EZR: variants seen among roughly 807,000 people sequenced by gnomAD.
EZR encodes ezrin.
Under a neutral mutation model 74.8 loss-of-function variants are expected in EZR, and 40 were observed. The observed-to-expected ratio is 0.53, with a 90% CI of 0.42 to 0.70. The LOEUF is 0.70. EZR is among the 30% of genes least tolerant of loss of function. EZR has a pLI of 0.00. For missense variants in EZR, 678 were observed against 755.8 expected, an observed-to-expected ratio of 0.90 and a Z score of 1.21; for synonymous variants, 341 against 283.3, an observed-to-expected ratio of 1.20 and a Z score of -2.05.
At chr6:158,779,241 A>C (rs1252170251) in intron 7 of EZR, among the ~76,000 whole-genome samples, 1 of 152,212 alleles carries the variant, frequency 6.6e-6, no homozygotes, top group Admixed American at 6.5e-5. Flanking sequence ...ATCCAAGCTG[A>C]AGGGCTTTCC....
In EZR at chr6:158,817,988, G is replaced by GT. The variant is rs572518643; in HGVS notation, c.12+93dup. On this transcript the variant is annotated intron_variant, in intron 2 of 13. Transcript: ENST00000367075. ...GTCTTCTGCGTGTGAGAAGAACCCT[G>GT]TTCCCCAGGAACTGCCCCAACACCT... 147 of 1,287,056 alleles carry GT rather than the reference G, an allele frequency of 1.1e-4. No homozygotes were observed. The African/African-American group carries it at 2.0e-3, about 17-fold the overall frequency. 79.7% of individuals were successfully genotyped at this position (1,287,056 alleles called of 1,614,324 possible).
chr6:158,769,009 G>T (rs1186263410), intron 12 of EZR, among the ~76,000 whole-genome samples: 1 of 152,186 alleles, frequency 6.6e-6, no homozygotes, highest in Non-Finnish European at 1.5e-5. Context: ...CCTGACCGGG[G>T]GCTGTCAGAT....
chr6:158,795,148 A>T (rs917076220), intron 2 of EZR, among the ~76,000 whole-genome samples: 2 of 152,182 alleles, frequency 1.3e-5, no homozygotes, highest in African/African-American at 4.8e-5. Context: ...GCTACTCAGG[A>T]GGCTGAGGAG....
intron 7 of EZR, among the ~76,000 whole-genome samples, chr6:158,779,403 C>T (rs1295453290): frequency 6.6e-6 from 1 of 152,076 alleles, no homozygotes; most frequent in Admixed American, 6.6e-5. Flanking sequence ...AGTGAGACAA[C>T]TGATTAAAAT....
intron 11 of EZR, 151 bp downstream of exon 11, chr6:158,769,633 C>T (rs1562489506): frequency 8.0e-7 from 1 of 1,253,996 alleles, no homozygotes; most frequent in Non-Finnish European, 1.1e-6. Flanking sequence ...GGCAACAGCC[C>T]AGCCCCTTCC....
In EZR at chr6:158,771,224, C is replaced by A; in HGVS notation, c.959+20G>T. Reference sequence around the variant, plus strand: ...GTTGGGAGAACACAGGCCCCCCCCACTCTGGCCTCACGCGCTCACCGCTCC... The same window carrying A: ...GTTGGGAGAACACAGGCCCCCCCCAATCTGGCCTCACGCGCTCACCGCTCC... On this transcript the variant is annotated intron_variant, in intron 9 of 13. Coordinates refer to ENST00000367075, the MANE Select transcript of EZR (RefSeq NM_001111077.2). The A allele has an allele frequency of 1.3e-6, 2 of 1,594,650 alleles. No individual in the cohort carries two copies. Among genetic ancestry groups the A allele is most frequent in the Non-Finnish European group, 1.7e-6 (2 of 1,170,718 alleles).
chr6:158,771,527 G>T, intron 8 of EZR, 120 bp from the exon 9 acceptor site: 1 of 1,085,558 alleles, frequency 9.2e-7, no homozygotes, highest in South Asian at 1.7e-5. Context: ...AACAGGGATG[G>T]CAGCATCTCG....
At chr6:158,776,601 AAAT>A in intron 7 of EZR, 97 bp from the exon 8 acceptor site, 1 of 826,208 alleles carries the variant, frequency 1.2e-6, no homozygotes, top group East Asian at 2.6e-5. Flanking sequence ...AGTTCAATTA[AAAT>A]AATATGAAGC....
intron 7 of EZR, 53 bp from the exon 8 acceptor site, chr6:158,776,557 T>C (rs1046526459): frequency 3.8e-6 from 5 of 1,319,470 alleles, no homozygotes; most frequent in Middle Eastern, 3.8e-4. Flanking sequence ...TGTTCTTGGA[T>C]TGGCTAAGAG....
chr6:158,767,489 C>G lies in EZR; in HGVS notation c.1368G>C (p.Leu456=). ...GGTGCAGCTCCTCCTTGGTCTTCAC[C>G]AGGTCATCCTGGGCTTCTTTGGCCT... ...QHRAKEAQDD[L]VKTKEELHLV... Residue 456 remains leucine, a synonymous_variant, in exon 13 of 14, where the codon CTG becomes CTC. Transcript: ENST00000367075. 1.3e-6 allele frequency: 2 copies of G among 1,599,440 alleles called. No individual in the cohort carries two copies. The highest frequency in any genetic ancestry group is 1.7e-6 in the Non-Finnish European group (2 of 1,171,248).
In EZR at chr6:158,770,793, T is replaced by C. The variant is rs780721379; in HGVS notation, c.1061A>G (p.Tyr354Cys). 2.0e-5 allele frequency: 32 copies of C among 1,614,046 alleles called. No homozygotes were observed. The highest frequency in any genetic ancestry group is 2.6e-5 in the Non-Finnish European group (31 of 1,180,024). The change falls in exon 10 of 14, where the codon TAT (tyrosine) becomes TGT (cysteine). Residue 354 changes from tyrosine to cysteine, a missense_variant. Tyr to Cys is a radical substitution (Grantham distance 194, BLOSUM62 -2). Around this residue, in one of 3 missense-constraint regions of EZR, gnomAD observed 342 missense variants for 341.2 expected, o/e 1.00. Coordinates refer to ENST00000367075, the MANE Select transcript of EZR (RefSeq NM_001111077.2). ...KEELMLRLQD[Y>C]EEKTKKAERE... The stretch of plus-strand genomic sequence containing the variant: ...CTCTGCCTTCTTTGTCTTCTCCTCA[T>C]AGTCCTGCAGCCGCAGCATCAACTC...
intron 2 of EZR, among the ~76,000 whole-genome samples, chr6:158,791,706 A>AGTTTTTTTTT (rs1791751481): frequency 1.0e-5 from 1 of 96,262 alleles, no homozygotes; most frequent in African/African-American, 4.1e-5. Context: ...TTCAGACTCC[A>AGTTTTTTTTT]TTTTTTTTTT....
intron 11 of EZR, 129 bp from the exon 12 acceptor site, chr6:158,769,547 C>A (rs1791030607): frequency 3.8e-6 from 4 of 1,053,780 alleles, no homozygotes; most frequent in African/African-American, 1.6e-5. Context: ...ACCCCCACTC[C>A]ATGGCCAGCA....
intron 2 of EZR, among the ~76,000 whole-genome samples, chr6:158,812,676 CT>C (rs1777474306): frequency 6.6e-6 from 1 of 152,078 alleles, no homozygotes; most frequent in Non-Finnish European, 1.5e-5. Flanking sequence ...AAGGCAAGGA[CT>C]TTTTTCATCA....
chr6:158,774,161 G>A (rs1221406651), intron 8 of EZR, among the ~76,000 whole-genome samples: 3 of 152,152 alleles, frequency 2.0e-5, no homozygotes, highest in Admixed American at 6.5e-5. Flanking sequence ...AAGAAAGTTC[G>A]ATGTCGAAAA....
chr6:158,810,454 A>C (rs1007728246), intron 2 of EZR, among the ~76,000 whole-genome samples: 1 of 152,226 alleles, frequency 6.6e-6, no homozygotes, highest in Non-Finnish European at 1.5e-5. Context: ...AATTGCTTAC[A>C]TATCTGCTTT....
chr6:158,776,030 C>G (rs1791267744), intron 8 of EZR, among the ~76,000 whole-genome samples: 1 of 152,194 alleles, frequency 6.6e-6, no homozygotes, highest in African/African-American at 2.4e-5. Context: ...AGTTCCAGGA[C>G]AGCTCTGAAA....
At chr6:158,789,858 A>AAGCCTCCCATCTC (rs1026738851) in intron 2 of EZR, among the ~76,000 whole-genome samples, 3 of 152,232 alleles carry the variant, frequency 2.0e-5, no homozygotes, top group Non-Finnish European at 4.4e-5. Context: ...AGGCTCAAGC[A>AAGCCTCCCATCTC]AGCCTCCCAT....
Position 158,767,436 on chromosome 6 carries a change from G to T in EZR, c.1421C>A (p.Pro474Gln), listed in dbSNP as rs370231777. ...GCTCACCGGCTCGTACACGGGGGGT[G>T]GTGGGGGCGGGGGTGCTGTCATCAC... The part of the protein sequence containing the change: ...HLVMTAPPPP[P>Q]PPVYEPVSYH... The change falls in exon 13 of 14, where the codon CCA (proline) becomes CAA (glutamine). Residue 474 changes from proline (P) to glutamine (Q), a missense_variant. Pro to Gln is a moderately conservative substitution (Grantham distance 76). Coordinates refer to ENST00000367075, the MANE Select transcript of EZR (RefSeq NM_001111077.2). 1.9e-6 allele frequency: 3 copies of T among 1,613,248 alleles called. No individual in the cohort carries two copies. Among genetic ancestry groups the T allele is most frequent in the African/African-American group, 2.7e-5 (2 of 74,904 alleles).
Sources: gnomAD v4.1 joint callset for allele counts (sites outside exome capture counted in the v4.1 genomes callset) on GRCh38, gnomAD v4.1.1 for gene constraint, gnomAD v4.1.1 regional missense constraint, MANE v1.5 for transcripts, NCBI Gene and HGNC (gene_info 2026-07-23, HGNC 2026-07-21) for gene names.